Variants in TTC1 observed in about 807,000 individuals in gnomAD.
TTC1 encodes the protein tetratricopeptide repeat protein 1.
In TTC1, 31 loss-of-function variants were observed where a neutral mutation model predicts 37.6. That is an observed-to-expected ratio of 0.82 (90% CI 0.62 to 1.11). TTC1 has a LOEUF of 1.11. Among genes scored for constraint, TTC1 ranks in the 50% most tolerant of loss-of-function variants. TTC1 has a pLI of 0.00. For synonymous variants in TTC1, 127 were observed against 122.4 expected (o/e 1.04, Z -0.25); for missense variants, 351 against 339.0 (o/e 1.04, Z -0.28).
chr5:160,011,234 C>T (rs1313749111), intron 2 of TTC1, among the ~76,000 whole-genome samples: 2 of 151,966 alleles, frequency 1.3e-5, no homozygotes, highest in Admixed American at 6.6e-5. Flanking sequence ...GTTTATGCTA[C>T]ATTTATGTTT....
intron 1 of TTC1, among the ~76,000 whole-genome samples, chr5:160,009,938 G>A (rs1272142053): frequency 1.3e-5 from 2 of 152,238 alleles, no homozygotes; most frequent in Non-Finnish European, 2.9e-5. Flanking sequence ...ACGGACCGTA[G>A]TTTCTTACTC....
intron 7 of TTC1, among the ~76,000 whole-genome samples, chr5:160,058,646 C>T (rs1392656020): frequency 2.6e-5 from 4 of 151,642 alleles, no homozygotes; most frequent in Non-Finnish European, 4.4e-5. Context: ...CTCCTGACCT[C>T]GTGATCCACC....
intron 2 of TTC1, 52 bp from the exon 3 acceptor site, chr5:160,035,088 T>C: frequency 6.7e-7 from 1 of 1,487,010 alleles, no homozygotes; most frequent in Non-Finnish European, 9.0e-7. Flanking sequence ...CACCTTTTTG[T>C]TCACTTATAA....
intron 4 of TTC1, among the ~76,000 whole-genome samples, chr5:160,041,556 G>C (rs1455858922): frequency 6.6e-6 from 1 of 151,672 alleles, no homozygotes; most frequent in Non-Finnish European, 1.5e-5. Flanking sequence ...CAGGTGATCC[G>C]CCCACCTTGA....
rs1581135594 is a variant in TTC1 at position 160,065,063 on chromosome 5, T to C, written c.877T>C (p.Ter293GlnextTer3). Residue 293 changes from the stop codon to glutamine (Q), a stop_lost, in exon 8 of 8, where the codon TAA becomes CAA. Coordinates refer to ENST00000231238, the MANE Select transcript of TTC1 (RefSeq NM_003314.3). ...CGTTCAAAATCCAAATAATAACAGA[T>C]AACAAAGATAACAAAAGCTTTACAA... ...NFVQNPNNNR[*>Q] 3.1e-6 allele frequency: 5 copies of C among 1,608,232 alleles called. No individual in the cohort carries two copies. Among genetic ancestry groups the C allele is most frequent in the Non-Finnish European group, 4.2e-6 (5 of 1,178,788 alleles).
intron 2 of TTC1, among the ~76,000 whole-genome samples, chr5:160,033,337 G>A (rs1052034163): frequency 7.9e-5 from 12 of 152,018 alleles, no homozygotes; most frequent in Admixed American, 2.6e-4. Context: ...CACATAGTAT[G>A]TACCATAAAA....
At chr5:160,044,910 C>A (rs969812773) in intron 5 of TTC1, among the ~76,000 whole-genome samples, 2 of 152,158 alleles carry the variant, frequency 1.3e-5, no homozygotes, top group Admixed American at 6.5e-5. Flanking sequence ...TCTCTACTGG[C>A]TTTCTTTTCT....
chr5:160,023,697 G>T, intron 2 of TTC1: 1 of 1,542,978 alleles, frequency 6.5e-7, no homozygotes, highest in Non-Finnish European at 8.9e-7. Flanking sequence ...CACAAGGCAT[G>T]TCACATGTTG....
intron 2 of TTC1, among the ~76,000 whole-genome samples, chr5:160,021,740 G>A (rs1756713136): frequency 6.6e-6 from 1 of 152,100 alleles, no homozygotes; most frequent in African/African-American, 2.4e-5. Flanking sequence ...TTTTTTTAAT[G>A]ATAAGGAATT....
At chr5:160,043,575 G>C (rs1264286675) in intron 5 of TTC1, among the ~76,000 whole-genome samples, 1 of 152,176 alleles carries the variant, frequency 6.6e-6, no homozygotes, top group African/African-American at 2.4e-5. Flanking sequence ...CTGGGTAACA[G>C]AGTGACCCTG....
intron 2 of TTC1, among the ~76,000 whole-genome samples, chr5:160,027,025 T>C (rs2113358152): frequency 6.6e-6 from 1 of 152,136 alleles, no homozygotes; most frequent in East Asian, 1.9e-4. Flanking sequence ...GGATTCTTTT[T>C]TTTTTTTCTT....
intron 2 of TTC1, among the ~76,000 whole-genome samples, chr5:160,024,494 G>A (rs1756765842): frequency 6.6e-6 from 1 of 151,972 alleles, no homozygotes; most frequent in African/African-American, 2.4e-5. Context: ...GTTTTCTCTA[G>A]TTGATGACAG....
intron 2 of TTC1, among the ~76,000 whole-genome samples, chr5:160,013,513 G>A: frequency 6.6e-6 from 1 of 152,082 alleles, no homozygotes; most frequent in East Asian, 1.9e-4. Flanking sequence ...GGGAGGCTGA[G>A]GCGGGCGGAT....
rs1756930847 is a variant in TTC1 at position 160,032,669 on chromosome 5, C to G, written c.331-2471C>G. On this transcript the variant is annotated intron_variant, in intron 2 of 7. Coordinates refer to ENST00000231238, the MANE Select transcript of TTC1 (RefSeq NM_003314.3). ...TCACTAAAAGACATGCATTCTGCTT[C>G]TTAACAGAGCCTCCTTGAGTTCTAC... Among the ~76,000 whole-genome samples the G allele has an allele frequency of 3.9e-5, 5 of 129,826 alleles. No individual in the cohort carries two copies. In the South Asian group the frequency reaches 1.3e-3, roughly 34 times the overall value. 85.2% of individuals were successfully genotyped at this position (129,826 alleles called of 152,430 possible). A position where few individuals can be genotyped will look rare whatever the true frequency, so the allele number is the denominator to read the frequency against.
At chr5:160,064,779 C>A (rs1433113592) in intron 7 of TTC1, among the ~76,000 whole-genome samples, 153 bp from the exon 8 acceptor site, 2 of 152,162 alleles carry the variant, frequency 1.3e-5, no homozygotes, top group African/African-American at 4.8e-5. Context: ...TGGGAACTCT[C>A]CTGGAAGCTT....
chr5:160,035,325 C>A (rs1756983529), intron 3 of TTC1, 125 bp downstream of exon 3: 1 of 653,178 alleles, frequency 1.5e-6, no homozygotes. Flanking sequence ...TACAGTGTTG[C>A]TTCCCAGTAC....
chr5:160,024,677 T>G (rs1031094850), intron 2 of TTC1, among the ~76,000 whole-genome samples: 159 of 151,582 alleles, frequency 1.0e-3, no homozygotes, highest in Middle Eastern at 3.4e-3. Context: ...TTTTTTTTTT[T>G]TTCAGGATAT....
At chr5:160,046,726 G>A (rs945029076) in intron 5 of TTC1, among the ~76,000 whole-genome samples, 1 of 151,980 alleles carries the variant, frequency 6.6e-6, no homozygotes, top group East Asian at 1.9e-4. Flanking sequence ...AGAAATTAGA[G>A]CAACAGGCCG....
At chr5:160,039,188 G>A (rs1757046377) in intron 4 of TTC1, 2 of 152,052 alleles carry the variant, frequency 1.3e-5, no homozygotes, top group Admixed American at 6.6e-5. Flanking sequence ...TTTCATATCT[G>A]GAGAGAGAAA....
Sources: allele counts gnomAD v4.1 joint callset (sites outside exome capture counted in the v4.1 genomes callset), GRCh38; gene constraint gnomAD v4.1.1; transcripts MANE v1.5; gene names NCBI Gene and HGNC (gene_info 2026-07-23, HGNC 2026-07-21).